The following MAML3 variants were observed in gnomAD, a reference collection of about 807,000 sequenced individuals.
MAML3 encodes the protein mastermind like transcriptional coactivator 3, also known as mastermind-like protein 3.
MAML3 carries 27 observed loss-of-function variants against 101.9 expected under a neutral mutation model. The observed-to-expected ratio is 0.27, with a 90% confidence interval of 0.20 to 0.37. The LOEUF (loss-of-function observed/expected upper bound fraction) is 0.37, where lower values mean the gene tolerates loss of function less well. Among genes scored for constraint, MAML3 ranks in the 10% least tolerant of loss-of-function variants. The probability of loss-of-function intolerance (pLI) is 1.00; values close to 1 mark genes in which losing one functional copy is unlikely to be tolerated. For synonymous variants in MAML3, 501 were observed against 555.9 expected (o/e 0.90, Z 1.39); for missense variants, 1,316 against 1,444.9 (o/e 0.91, Z 1.45).
intron 2 of MAML3, among the ~76,000 whole-genome samples, chr4:139,765,248 A>C (rs778848379): frequency 6.6e-6 from 1 of 152,258 alleles, no homozygotes; most frequent in Non-Finnish European, 1.5e-5. Context: ...CACATGGACA[A>C]AAATATGTAT....
Position 139,898,035 on chromosome 4 carries a change from T to C in MAML3, c.469-7068A>G, listed in dbSNP as rs865791171. On this transcript the variant is annotated intron_variant, in intron 1 of 4. Coordinates refer to ENST00000509479, the MANE Select transcript of MAML3 (RefSeq NM_018717.5). ...GTCCTTTACAATTCAGTTTAGACAT[T>C]ACCTACTCCACAGTCTCTCTTGACA... 3.9e-5 allele frequency among the ~76,000 whole-genome samples: 6 copies of C among 152,334 alleles called. No individual in the cohort carries two copies. The Middle Eastern group carries it at 0.014, about 345-fold the overall frequency.
chr4:139,886,447 C>G (rs1309059255), intron 2 of MAML3, among the ~76,000 whole-genome samples: 1 of 151,922 alleles, frequency 6.6e-6, no homozygotes, highest in Non-Finnish European at 1.5e-5. Flanking sequence ...TTTTTCCAGC[C>G]AGAAATAAAT....
At chr4:140,149,704 G>C (rs1729123728) in intron 1 of MAML3, among the ~76,000 whole-genome samples, 1 of 151,886 alleles carries the variant, frequency 6.6e-6, no homozygotes, top group African/African-American at 2.4e-5. Flanking sequence ...TTTTCTTTAG[G>C]GCTTTCCAAA....
chr4:140,115,528 C>G (rs1258025365), intron 1 of MAML3, among the ~76,000 whole-genome samples: 1 of 152,148 alleles, frequency 6.6e-6, no homozygotes, highest in Non-Finnish European at 1.5e-5. Flanking sequence ...GAGACTAACA[C>G]CAAGACTGAT....
chr4:140,080,548 G>A (rs1220599050), intron 1 of MAML3, among the ~76,000 whole-genome samples: 1 of 152,174 alleles, frequency 6.6e-6, no homozygotes, highest in African/African-American at 2.4e-5. Flanking sequence ...AGTGAGAAAT[G>A]GATTGGAAAT....
chr4:139,894,474 C>T (rs903905012), intron 1 of MAML3, among the ~76,000 whole-genome samples: 1 of 150,730 alleles, frequency 6.6e-6, no homozygotes, highest in African/African-American at 2.5e-5. Context: ...CGTGCCACTG[C>T]ACTCTAGCCT....
At chr4:140,114,407 C>G (rs764519182) in intron 1 of MAML3, among the ~76,000 whole-genome samples, 36 of 152,170 alleles carry the variant, frequency 2.4e-4, no homozygotes, top group Admixed American at 2.0e-3. Context: ...GGCAAGTGTT[C>G]TTTTTCCTTT....
At chr4:140,078,100 G>C (rs1218154286) in intron 1 of MAML3, among the ~76,000 whole-genome samples, 1 of 151,978 alleles carries the variant, frequency 6.6e-6, no homozygotes, top group African/African-American at 2.4e-5. Flanking sequence ...TGAATCAGTC[G>C]CAACAGTCTT....
Position 140,153,493 on chromosome 4 carries a change from A to C in MAML3, c.-166T>G. 1.4e-6 allele frequency: 1 copy of C among 727,730 alleles called. No individual in the cohort carries two copies. Among genetic ancestry groups the C allele is most frequent in the Non-Finnish European group, 2.1e-6 (1 of 486,702 alleles). 45.1% of individuals were successfully genotyped at this position (727,730 alleles called of 1,614,324 possible). A position where few individuals can be genotyped will look rare whatever the true frequency, so the allele number is the denominator to read the frequency against. On this transcript the variant is annotated 5_prime_UTR_variant, in exon 1 of 5. Transcript: ENST00000509479. ...CGGGGCGAAAAAAACGGGGGGGGAG[A>C]TTTTGGGGTGGTTTTTGTTTCCTTT... is the stretch of plus-strand genomic sequence containing the variant.
At chr4:140,026,953 T>C (rs1238722929) in intron 1 of MAML3, among the ~76,000 whole-genome samples, 2 of 152,128 alleles carry the variant, frequency 1.3e-5, no homozygotes, top group African/African-American at 4.8e-5. Flanking sequence ...CTTTCTTATA[T>C]AATTATGTGT....
rs189768062 is a variant in MAML3 at position 140,140,278 on chromosome 4, C to A, written c.468+12582G>T. 1.9e-3 allele frequency among the ~76,000 whole-genome samples: 288 copies of A among 151,916 alleles called. 2 individuals carry two copies. The highest frequency in any genetic ancestry group is 6.4e-3 in the African/African-American group (266 of 41,400). On this transcript the variant is annotated intron_variant, in intron 1 of 4. Transcript: ENST00000509479. ...GGCAGAGGTTGTAGTGAGCGAAGAC[C>A]GCACCACTGCACTCCAGCCTGGGTG...
At position 139,978,611 on chromosome 4, in the gene MAML3, C is replaced by CAA. The variant is rs71584346; in HGVS notation, c.469-87646_469-87645dup. ...CATGACTTCCCAGCATCAACCACAT[C>CAA]AAAAAAAAAGAGAGAGAGAGAGAGC... On this transcript the variant is annotated intron_variant, in intron 1 of 4. Transcript: ENST00000509479. Among the ~76,000 whole-genome samples the CAA allele has an allele frequency of 8.2e-5, 10 of 122,274 alleles. No homozygotes were observed. The South Asian group carries it at 2.4e-3, about 29-fold the overall frequency. 80.2% of individuals were successfully genotyped at this position (122,274 alleles called of 152,430 possible). A position where few individuals can be genotyped will look rare whatever the true frequency, so the allele number is the denominator to read the frequency against.
Position 139,730,500 on chromosome 4 carries a change from C to T in MAML3, c.2247G>A (p.Gln749=). ...ACTGTTGCTTCTGCTGCTCTATCAA[C>T]TGGGCCCGCTGATCAATGAGCATCT... The part of the protein sequence containing the change: ...MKQMLIDQRA[Q]LIEQQKQQFL... Residue 749 remains glutamine (Q), a synonymous_variant, in exon 3 of 5, where the codon CAG becomes CAA. Coordinates refer to ENST00000509479, the MANE Select transcript of MAML3 (RefSeq NM_018717.5). 6.4e-7 allele frequency: 1 copy of T among 1,555,016 alleles called. No individual in the cohort carries two copies. The highest frequency in any genetic ancestry group is 1.2e-5 in the South Asian group (1 of 84,218).
intron 1 of MAML3, among the ~76,000 whole-genome samples, chr4:140,112,368 C>T (rs1366233178): frequency 2.0e-5 from 3 of 152,130 alleles, no homozygotes; most frequent in Non-Finnish European, 4.4e-5. Flanking sequence ...CCAAGTCATG[C>T]TCCATATTTT....
At chr4:139,903,661 C>T (rs895682658) in intron 1 of MAML3, among the ~76,000 whole-genome samples, 12 of 152,150 alleles carry the variant, frequency 7.9e-5, no homozygotes, top group Admixed American at 2.0e-4. Context: ...TTAGAGTGGG[C>T]GCCAATGTGA....
At chr4:139,912,937 G>A (rs897604832) in intron 1 of MAML3, among the ~76,000 whole-genome samples, 1 of 150,764 alleles carries the variant, frequency 6.6e-6, no homozygotes, top group African/African-American at 2.5e-5. Flanking sequence ...GCAGCCCTAG[G>A]AACTAATATA....
chr4:140,046,280 G>C (rs540963496), intron 1 of MAML3, among the ~76,000 whole-genome samples: 13 of 152,302 alleles, frequency 8.5e-5, no homozygotes, highest in Admixed American at 7.2e-4. Context: ...ACTAGTGTGA[G>C]ATCGTGGCTA....
At position 140,021,093 on chromosome 4, in the gene MAML3, G is replaced by A. The variant is rs1016406894; in HGVS notation, c.469-130126C>T. 2.0e-5 allele frequency among the ~76,000 whole-genome samples: 3 copies of A among 152,290 alleles called. No homozygotes were observed. The South Asian group carries it at 6.2e-4, about 32-fold the overall frequency. ...GAGATGAAAATAGACAATACGTGGA[G>A]AAAAGAAGACTGCTTCTCTTCTGTA... On this transcript the variant is annotated intron_variant, in intron 1 of 4. Coordinates refer to ENST00000509479, the MANE Select transcript of MAML3 (RefSeq NM_018717.5).
intron 1 of MAML3, among the ~76,000 whole-genome samples, chr4:139,899,839 T>TA (rs1732681694): frequency 1.3e-5 from 2 of 152,224 alleles, no homozygotes; most frequent in Admixed American, 6.5e-5. Flanking sequence ...GCCAAGTGTT[T>TA]AAAACCTCTG....
Sources: gnomAD v4.1 joint callset for allele counts (sites outside exome capture counted in the v4.1 genomes callset) on GRCh38, gnomAD v4.1.1 for gene constraint, MANE v1.5 for transcripts, NCBI Gene and HGNC (gene_info 2026-07-23, HGNC 2026-07-21) for gene names.